The following TMEM168 variants were observed in gnomAD, a reference collection of about 807,000 sequenced individuals.
TMEM168 encodes the protein transmembrane protein 168.
A neutral mutation model predicts 53.2 loss-of-function variants in TMEM168; 40 were observed. That is an observed-to-expected ratio of 0.75 (90% CI 0.58 to 0.98). The LOEUF (loss-of-function observed/expected upper bound fraction) is 0.98. Ranked by LOEUF, TMEM168 falls within the 50% of genes least tolerant of loss-of-function variation. The probability of loss-of-function intolerance (pLI) is 0.00; values close to 1 mark genes in which losing one functional copy is unlikely to be tolerated. For synonymous variants in TMEM168, 282 were observed against 293.0 expected, an observed-to-expected ratio of 0.96 and a Z score of 0.38; for missense variants, 771 against 828.8, an observed-to-expected ratio of 0.93 and a Z score of 0.86.
rs1458117230 is a variant in TMEM168 at position 112,784,719 on chromosome 7, A to T, written c.107T>A (p.Leu36His). Residue 36 changes from leucine (L) to histidine (H), a missense_variant, in exon 2 of 5, where the codon CTT (leucine) becomes CAT (histidine). Physicochemically the swap from Leu to His is moderately conservative, Grantham distance 99. Coordinates refer to ENST00000312814, the MANE Select transcript of TMEM168 (RefSeq NM_022484.6). Reference protein sequence around the residue: ...EVNMHSSVRYLGYLARINLLV... With the variant: ...EVNMHSSVRYHGYLARINLLV... Reference sequence around the variant, plus strand: ...TAAATTGATTCTGGCTAAATAGCCAAGATACCGCACTGAAGAATGCATGTT... The same window carrying T: ...TAAATTGATTCTGGCTAAATAGCCATGATACCGCACTGAAGAATGCATGTT... 6.2e-7 allele frequency: 1 copy of T among 1,614,046 alleles called. No individual in the cohort carries two copies. Among genetic ancestry groups the T allele is most frequent in the South Asian group, 1.1e-5 (1 of 91,066 alleles).
intron 4 of TMEM168, among the ~76,000 whole-genome samples, chr7:112,768,365 C>G (rs1792842154): frequency 6.6e-6 from 1 of 152,184 alleles, no homozygotes; most frequent in Non-Finnish European, 1.5e-5. Flanking sequence ...CCAAAAATAT[C>G]TGGCCCTTTA....
At position 112,767,534 on chromosome 7, in the gene TMEM168, C is replaced by T; in HGVS notation, c.1757G>A (p.Gly586Asp). The T allele has an allele frequency of 6.2e-7, 1 of 1,614,158 alleles. No individual in the cohort carries two copies. The highest frequency in any genetic ancestry group is 1.6e-4 in the Middle Eastern group (1 of 6,062). The change falls in exon 5 of 5, where the codon GGT becomes GAT. Residue 586 changes from glycine to aspartate, a missense_variant. Coordinates refer to ENST00000312814, the MANE Select transcript of TMEM168 (RefSeq NM_022484.6). ...TTCTACCCAGTCTTTTGTAAAGTCA[C>T]CTAGCTGTGGCGGGTCAGCTTCTTC... ...DIEEADPPQLGDFTKDWVEYN... is the reference protein window; with the variant it reads ...DIEEADPPQLDDFTKDWVEYN...
chr7:112,766,949 G>A lies in TMEM168; in HGVS notation c.*248C>T. On this transcript the variant is annotated 3_prime_UTR_variant, in exon 5 of 5. Coordinates refer to ENST00000312814, the MANE Select transcript of TMEM168 (RefSeq NM_022484.6). ...GGACCATAAGCAAACATTCCTGAAAGTGCAGTGTTATTTTTAACGTCTCTT... is the reference window on the plus strand; with the variant it reads ...GGACCATAAGCAAACATTCCTGAAAATGCAGTGTTATTTTTAACGTCTCTT... The A allele has an allele frequency of 2.2e-6, 1 of 449,318 alleles. No individual in the cohort carries two copies. The highest frequency in any genetic ancestry group is 3.9e-6 in the Non-Finnish European group (1 of 253,754). The allele number at this position is 449,318 out of a possible 1,614,324, so 27.8% of individuals were successfully genotyped here.
At chr7:112,781,059 A>C (rs954721519) in intron 2 of TMEM168, among the ~76,000 whole-genome samples, 2 of 152,038 alleles carry the variant, frequency 1.3e-5, no homozygotes, top group East Asian at 3.8e-4. Context: ...ACAAGAGTTA[A>C]TATGGTAAGA....
chr7:112,782,727 A>C (rs994520039), intron 2 of TMEM168, among the ~76,000 whole-genome samples: 3 of 152,180 alleles, frequency 2.0e-5, no homozygotes, highest in African/African-American at 7.2e-5. Flanking sequence ...ACTCAGCAGC[A>C]ACAAACTGTT....
chr7:112,780,980 G>T (rs1699341772), intron 2 of TMEM168, among the ~76,000 whole-genome samples: 1 of 146,160 alleles, frequency 6.8e-6, no homozygotes, highest in South Asian at 2.2e-4. Flanking sequence ...GGCACAGATA[G>T]TTAATATTTT....
chr7:112,772,957 T>C lies in TMEM168; in HGVS notation c.1370A>G (p.Tyr457Cys), dbSNP rs1346306732. The change falls in exon 4 of 5, where the codon TAT becomes TGT. Residue 457 changes from tyrosine to cysteine, a missense_variant. By Grantham distance (194) the Tyr-to-Cys change is radical. Coordinates refer to ENST00000312814, the MANE Select transcript of TMEM168 (RefSeq NM_022484.6). Reference sequence around the variant, plus strand: ...ACATCCATAGGTCTCAATCATATGATATGCAAAAAATCTTTGGATAGCATT... The same window carrying C: ...ACATCCATAGGTCTCAATCATATGACATGCAAAAAATCTTTGGATAGCATT... Reference protein sequence around the residue: ...MLNAIQRFFAYHMIETYGCDY... With the variant: ...MLNAIQRFFACHMIETYGCDY... 11 of 1,613,968 alleles carry C rather than the reference T, an allele frequency of 6.8e-6. No individual in the cohort carries two copies. Among genetic ancestry groups the C allele is most frequent in the South Asian group, 2.2e-5 (2 of 91,086 alleles).
chr7:112,779,375 G>C (rs988340586), intron 2 of TMEM168, among the ~76,000 whole-genome samples: 2 of 152,110 alleles, frequency 1.3e-5, no homozygotes, highest in African/African-American at 4.8e-5. Flanking sequence ...GTATGTCCAG[G>C]GGAAGCCAAA....
intron 1 of TMEM168, among the ~76,000 whole-genome samples, chr7:112,785,558 C>G (rs1793356367): frequency 6.6e-6 from 1 of 152,180 alleles, no homozygotes; most frequent in Admixed American, 6.5e-5. Context: ...ACTTTTATCT[C>G]TATTAAATTA....
At chr7:112,777,456 C>A (rs528467922) in intron 2 of TMEM168, among the ~76,000 whole-genome samples, 1 of 152,070 alleles carries the variant, frequency 6.6e-6, no homozygotes, top group East Asian at 1.9e-4. Flanking sequence ...ATTTTTTATT[C>A]TTTCACATAT....
chr7:112,787,712 C>CTTTTTTTTTTTT (rs1793425461), intron 1 of TMEM168, among the ~76,000 whole-genome samples: 1 of 80,434 alleles, frequency 1.2e-5, no homozygotes, highest in Non-Finnish European at 2.3e-5. Context: ...CTGCGACTGG[C>CTTTTTTTTTTTT]ATTTTTTTTT....
In TMEM168 at chr7:112,764,669, T is replaced by C. The variant is rs1305411020; in HGVS notation, c.*2528A>G. ...GCGTGCACCACCACGCCCAGCTGAT[T>C]TTTTTATTTTTAGTAGAGATGGGGT... is the stretch of plus-strand genomic sequence containing the variant. On this transcript the variant is annotated 3_prime_UTR_variant, in exon 5 of 5. Transcript: ENST00000312814. 1 of 151,252 alleles carries C rather than the reference T, an allele frequency of 6.6e-6. No homozygotes were observed. Among genetic ancestry groups the C allele is most frequent in the Non-Finnish European group, 1.5e-5 (1 of 67,934 alleles). The allele number at this position is 151,252 out of a possible 1,614,324, so 9.4% of individuals were successfully genotyped here. A position where few individuals can be genotyped will look rare whatever the true frequency, so the allele number is the denominator to read the frequency against.
At chr7:112,767,882 CA>C (rs11368195) in intron 4 of TMEM168, 138 bp from the exon 5 acceptor site, 197,321 of 636,258 alleles carry the variant, frequency 0.31, 39,965 homozygotes, top group African/African-American at 0.77. Context: ...ATTAAATAAG[CA>C]AAAAAATAAA....
intron 3 of TMEM168, among the ~76,000 whole-genome samples, chr7:112,774,758 T>G (rs540045756): frequency 6.6e-6 from 1 of 151,936 alleles, no homozygotes; most frequent in South Asian, 2.1e-4. Flanking sequence ...TTTTTGTATT[T>G]TCAGTAGAGA....
chr7:112,769,696 TG>T (rs1245661169), intron 4 of TMEM168, among the ~76,000 whole-genome samples: 1 of 152,190 alleles, frequency 6.6e-6, no homozygotes, highest in Admixed American at 6.6e-5. Context: ...AATATCCATC[TG>T]ATGCATTTTA....
intron 2 of TMEM168, 100 bp downstream of exon 2, chr7:112,783,598 T>C: frequency 8.3e-7 from 1 of 1,198,574 alleles, no homozygotes; most frequent in Non-Finnish European, 1.1e-6. Context: ...ATGAATATCC[T>C]TTTGAAATCA....
rs1048202749 is a variant in TMEM168 at position 112,764,605 on chromosome 7, A to C, written c.*2592T>G. ...AACCTCTGCCTCCCCGGTTCAAGAG[A>C]TTCTCCTGCCTCAGTCTCCCAAGTA... On this transcript the variant is annotated 3_prime_UTR_variant, in exon 5 of 5. Transcript: ENST00000312814. 6.7e-6 allele frequency: 1 copy of C among 148,998 alleles called. No homozygotes were observed. Among genetic ancestry groups the C allele is most frequent in the Non-Finnish European group, 1.5e-5 (1 of 67,648 alleles). The allele number at this position is 148,998 out of a possible 1,614,324, so 9.2% of individuals were successfully genotyped here.
intron 1 of TMEM168, among the ~76,000 whole-genome samples, chr7:112,786,380 A>T (rs1793380583): frequency 1.3e-5 from 2 of 152,166 alleles, no homozygotes; most frequent in South Asian, 4.1e-4. Context: ...TCCGAGTATT[A>T]TTACTTATTT....
In TMEM168 at chr7:112,766,212, T is replaced by G. The variant is rs1792774268; in HGVS notation, c.*985A>C. ...ACTTTTTTACAGAATACATTACATG[T>G]ATACCAGAAGAGAAATACTTGTTTC... On this transcript the variant is annotated 3_prime_UTR_variant, in exon 5 of 5. Transcript: ENST00000312814. 1 of 152,378 alleles carries G rather than the reference T, an allele frequency of 6.6e-6. No homozygotes were observed. Among genetic ancestry groups the G allele is most frequent in the Admixed American group, 6.5e-5 (1 of 15,276 alleles). 9.4% of individuals were successfully genotyped at this position (152,378 alleles called of 1,614,324 possible). A position where few individuals can be genotyped will look rare whatever the true frequency, so the allele number is the denominator to read the frequency against.
Sources: allele counts gnomAD v4.1 joint callset (sites outside exome capture counted in the v4.1 genomes callset), GRCh38; gene constraint gnomAD v4.1.1; transcripts MANE v1.5; gene names NCBI Gene and HGNC (gene_info 2026-07-23, HGNC 2026-07-21).